STX3: variants seen among roughly 807,000 people sequenced by gnomAD.
The protein encoded by STX3 is syntaxin-3.
Under a neutral mutation model 40.2 loss-of-function variants are expected in STX3, and 19 were observed. The observed-to-expected ratio is 0.47, with a 90% CI of 0.33 to 0.69. The LOEUF (loss-of-function observed/expected upper bound fraction) is 0.69. Ranked by LOEUF, STX3 falls within the 30% of genes least tolerant of loss-of-function variation. The probability of loss-of-function intolerance (pLI) is 0.02; values close to 1 mark genes in which losing one functional copy is unlikely to be tolerated. For missense variants in STX3, 364 were observed against 366.7 expected (o/e 0.99, Z 0.06); for synonymous variants, 122 against 132.2 (o/e 0.92, Z 0.53).
At chr11:59,798,464 G>A (rs991553136) in intron 10 of STX3, among the ~76,000 whole-genome samples, 3 of 152,040 alleles carry the variant, frequency 2.0e-5, no homozygotes, top group African/African-American at 7.2e-5. Flanking sequence ...GCCTAAGCTG[G>A]GATTACAGGC....
Position 59,797,352 on chromosome 11 carries a change from G to A in STX3, c.856G>A (p.Val286Ile), listed in dbSNP as rs35790732. The change falls in exon 10 of 11, where the codon GTT becomes ATT. Residue 286 changes from valine (V) to isoleucine (I), a missense_variant. Transcript: ENST00000337979. The part of the protein sequence containing the change: ...GILALIIGLS[V>I]GLN ...TTTAGCATTGATTATTGGACTTTCC[G>A]TTGGGCTGAATTAAGAGTGGCCTAA... is the stretch of plus-strand genomic sequence containing the variant. The A allele has an allele frequency of 1.7e-4, 275 of 1,614,080 alleles. No homozygotes were observed. The African/African-American group carries it at 3.3e-3, about 19-fold the overall frequency.
chr11:59,772,346 A>G (rs1863701160), intron 1 of STX3, among the ~76,000 whole-genome samples: 2 of 152,188 alleles, frequency 1.3e-5, no homozygotes, highest in African/African-American at 4.8e-5. Context: ...GTGGGAATGG[A>G]ATCACTTCCT....
At chr11:59,773,410 T>G (rs1272015718) in intron 2 of STX3, 116 bp downstream of exon 2, 8 of 908,048 alleles carry the variant, frequency 8.8e-6, no homozygotes, top group Non-Finnish European at 1.4e-5. Context: ...AGTTTTTTGC[T>G]AGGGTGGGAT....
intron 1 of STX3, among the ~76,000 whole-genome samples, chr11:59,763,795 A>C (rs796757706): frequency 6.6e-6 from 1 of 152,214 alleles, no homozygotes; most frequent in South Asian, 2.1e-4. Flanking sequence ...AGGCAGGTGG[A>C]TCACCTGAGG....
intron 2 of STX3, among the ~76,000 whole-genome samples, chr11:59,782,445 A>G (rs1228859273): frequency 1.3e-5 from 2 of 152,218 alleles, no homozygotes; most frequent in Non-Finnish European, 2.9e-5. Context: ...CCTAACATTT[A>G]TTGAACATGT....
chr11:59,793,061 G>A lies in STX3; in HGVS notation c.467-38G>A, dbSNP rs1307901197. 4 of 1,602,800 alleles carry A rather than the reference G, an allele frequency of 2.5e-6. No individual in the cohort carries two copies. In the African/African-American group the frequency reaches 4.0e-5, roughly 16 times the overall value. Reference sequence around the variant, plus strand: ...TCCTTATCAGATGGTGTTTCACCGTGATCTTATATTTGACGCTCTACTTCT... The same window carrying A: ...TCCTTATCAGATGGTGTTTCACCGTAATCTTATATTTGACGCTCTACTTCT... On this transcript the variant is annotated intron_variant, in intron 6 of 10. Coordinates refer to ENST00000337979, the MANE Select transcript of STX3 (RefSeq NM_004177.5).
Position 59,803,872 on chromosome 11 carries a change from C to T in STX3, c.*3048C>T, listed in dbSNP as rs1475599075. The T allele has an allele frequency of 6.5e-6, 1 of 153,092 alleles. No individual in the cohort carries two copies. Among genetic ancestry groups the T allele is most frequent in the African/African-American group, 2.4e-5 (1 of 41,406 alleles). The allele number at this position is 153,092 out of a possible 1,614,324, so 9.5% of individuals were successfully genotyped here. ...AGATTGATCGACTGGCATTTCTAAT[C>T]CTCCTTCCACTTCTGTGGTACCATC... On this transcript the variant is annotated 3_prime_UTR_variant, in exon 11 of 11. Transcript: ENST00000337979.
intron 10 of STX3, among the ~76,000 whole-genome samples, 164 bp downstream of exon 10, chr11:59,797,560 A>G (rs1205197219): frequency 3.9e-5 from 6 of 152,052 alleles, no homozygotes; most frequent in African/African-American, 9.7e-5. Flanking sequence ...TTATAGTTCT[A>G]TTGGTTTCTG....
chr11:59,763,529 A>AT (rs1394536357), intron 1 of STX3, among the ~76,000 whole-genome samples: 1 of 152,338 alleles, frequency 6.6e-6, no homozygotes, highest in African/African-American at 2.4e-5. Flanking sequence ...AAGAAATACC[A>AT]TGTATTAAGA....
intron 3 of STX3, among the ~76,000 whole-genome samples, chr11:59,788,282 G>T (rs1864901299): frequency 6.6e-6 from 1 of 152,000 alleles, no homozygotes; most frequent in African/African-American, 2.4e-5. Flanking sequence ...TTTCTCCTTT[G>T]TCTCCCACTA....
chr11:59,785,248 A>G (rs1333649751), intron 2 of STX3, among the ~76,000 whole-genome samples: 1 of 152,248 alleles, frequency 6.6e-6, no homozygotes, highest in Non-Finnish European at 1.5e-5. Flanking sequence ...TAGAGGGGAA[A>G]ATCCTGTGCT....
intron 2 of STX3, among the ~76,000 whole-genome samples, chr11:59,774,920 T>G (rs1185929445): frequency 1.3e-5 from 2 of 152,196 alleles, no homozygotes; most frequent in Non-Finnish European, 2.9e-5. Flanking sequence ...GAATGATAAT[T>G]CAAAAAACAA....
At chr11:59,792,236 G>T (rs188238747) in intron 6 of STX3, 21 bp downstream of exon 6, 1 of 1,604,096 alleles carries the variant, frequency 6.2e-7, no homozygotes, top group Non-Finnish European at 8.5e-7. Context: ...GAGGTTTGGC[G>T]TGTGCCCTCC....
intron 9 of STX3, chr11:59,795,824 C>A: frequency 1.1e-6 from 1 of 874,624 alleles, no homozygotes; most frequent in Non-Finnish European, 1.8e-6. Context: ...CTGTCGTAGC[C>A]TCATCAACCC....
upstream of STX3, chr11:59,754,583 T>C (rs913889833): frequency 6.6e-6 from 1 of 152,460 alleles, no homozygotes; most frequent in African/African-American, 2.4e-5. Flanking sequence ...GGGAACCACC[T>C]GCACACCAAG....
intron 2 of STX3, among the ~76,000 whole-genome samples, chr11:59,785,408 T>C (rs965316375): frequency 2.6e-5 from 4 of 152,186 alleles, no homozygotes; most frequent in Non-Finnish European, 5.9e-5. Context: ...CATGGCTCAC[T>C]GTGGCTTCAA....
At chr11:59,800,458 T>G (rs1004097019) in intron 10 of STX3, 1 of 985,296 alleles carries the variant, frequency 1.0e-6, no homozygotes, top group Non-Finnish European at 1.2e-6. Context: ...TGTCCTTCTG[T>G]TTTCTAAAAG....
chr11:59,765,088 A>C (rs1287509978), intron 1 of STX3, among the ~76,000 whole-genome samples: 1 of 152,120 alleles, frequency 6.6e-6, no homozygotes, highest in Admixed American at 6.6e-5. Flanking sequence ...CTTTCTTCAA[A>C]GTAAAAGCAT....
intron 4 of STX3, among the ~76,000 whole-genome samples, chr11:59,789,859 C>T (rs926542220): frequency 1.3e-5 from 2 of 152,162 alleles, no homozygotes; most frequent in Admixed American, 1.3e-4. Flanking sequence ...TCACTCCCCC[C>T]ATTTGGGAGA....
Sources: allele counts gnomAD v4.1 joint callset (sites outside exome capture counted in the v4.1 genomes callset), GRCh38; gene constraint gnomAD v4.1.1; transcripts MANE v1.5; gene names NCBI Gene and HGNC (gene_info 2026-07-23, HGNC 2026-07-21).